Variants in LDLRAD4 observed in about 807,000 individuals in gnomAD.
LDLRAD4 encodes the protein low density lipoprotein receptor class A domain containing 4.
Under a neutral mutation model 17.0 loss-of-function variants are expected in LDLRAD4, and 5 were observed. The ratio of observed to expected loss-of-function variants is 0.29; its 90% CI spans 0.15 to 0.62. The LOEUF (loss-of-function observed/expected upper bound fraction) is 0.62, where lower values mean the gene tolerates loss of function less well. Among genes scored for constraint, LDLRAD4 ranks in the 20% least tolerant of loss-of-function variants. The pLI is 0.84. For synonymous variants in LDLRAD4, 168 were observed against 171.8 expected (o/e 0.98, Z 0.17); for missense variants, 340 against 424.7 (o/e 0.80, Z 1.75).
At chr18:13,606,305 C>T (rs1175719392) in intron 3 of LDLRAD4, among the ~76,000 whole-genome samples, 3 of 152,182 alleles carry the variant, frequency 2.0e-5, no homozygotes. Context: ...AATGTGGACT[C>T]ATAAGTAATT....
rs150626444 is a variant in LDLRAD4, at chr18:13,440,626, G to T, written c.181+2242G>T. ...TCAGATTGATCTGGGTTCAAGGTTC[G>T]GCCTAGGGGAGTGACAGCTCCTTTC... is the stretch of plus-strand genomic sequence containing the variant. On this transcript the variant is annotated intron_variant, in intron 3 of 5. Transcript: ENST00000359446. The surrounding 1 kb of genome is among the most constrained non-coding windows in gnomAD (Gnocchi z 4.4). Among the ~76,000 whole-genome samples the T allele has an allele frequency of 1.3e-5, 2 of 152,152 alleles. No homozygotes were observed. The highest frequency in any genetic ancestry group is 4.8e-5 in the African/African-American group (2 of 41,424).
intron 1 of LDLRAD4, among the ~76,000 whole-genome samples, chr18:13,330,746 T>C (rs2081814823): frequency 6.6e-6 from 1 of 152,118 alleles, no homozygotes; most frequent in African/African-American, 2.4e-5. Flanking sequence ...AGCTCCAAGA[T>C]GGGGCTGGTC....
intron 1 of LDLRAD4, 107 bp downstream of exon 1, chr18:13,219,095 AAAG>A (rs2041303715): frequency 6.7e-6 from 1 of 149,700 alleles, no homozygotes; most frequent in Non-Finnish European, 1.5e-5. Flanking sequence ...TTTAATTGGA[AAAG>A]GAGAAGGTTT....
chr18:13,359,888 T>A (rs1307723248), intron 1 of LDLRAD4, among the ~76,000 whole-genome samples: 2 of 152,282 alleles, frequency 1.3e-5, no homozygotes, highest in Admixed American at 6.5e-5. Flanking sequence ...GACGCTGTTC[T>A]TGGCTTATGT....
intron 1 of LDLRAD4, among the ~76,000 whole-genome samples, chr18:13,263,346 G>A (rs1268684634): frequency 1.3e-5 from 2 of 152,114 alleles, no homozygotes; most frequent in Non-Finnish European, 2.9e-5. Context: ...GTGGCTCTGT[G>A]TGTGGAGACT....
At chr18:13,553,042 G>T (rs1391569863) in intron 3 of LDLRAD4, among the ~76,000 whole-genome samples, 5 of 152,292 alleles carry the variant, frequency 3.3e-5, no homozygotes, top group Non-Finnish European at 5.9e-5. Context: ...ATGATAAGAG[G>T]TTAGTATTTT....
At position 13,438,238 on chromosome 18, in the gene LDLRAD4, T is replaced by C; in HGVS notation, c.41-6T>C. On this transcript the variant is annotated splice_polypyrimidine_tract_variant and splice_region_variant and intron_variant, in intron 2 of 5. Transcript: ENST00000359446. ...CTGCTCCATGCTTTATATTGTACTT[T>C]TTCAGAGTGCAAATTCACCTGCACC... The C allele has an allele frequency of 6.2e-7, 1 of 1,614,008 alleles. No homozygotes were observed. Among genetic ancestry groups the C allele is most frequent in the Non-Finnish European group, 8.5e-7 (1 of 1,179,814 alleles).
At chr18:13,553,770 GTGC>G in intron 3 of LDLRAD4, among the ~76,000 whole-genome samples, 1 of 152,156 alleles carries the variant, frequency 6.6e-6, no homozygotes, top group East Asian at 1.9e-4. Flanking sequence ...ACCCTATGTT[GTGC>G]TGTGTGTTTT....
chr18:13,531,572 A>G (rs1222805198), intron 3 of LDLRAD4, among the ~76,000 whole-genome samples: 2 of 148,702 alleles, frequency 1.3e-5, no homozygotes, highest in Admixed American at 6.8e-5. Context: ...CTTAGGTGAC[A>G]GAGCAAGACT....
intron 3 of LDLRAD4, chr18:13,620,836 T>G: frequency 2.1e-6 from 1 of 476,728 alleles, no homozygotes; most frequent in Non-Finnish European, 3.8e-6. Flanking sequence ...AGCGGTGACA[T>G]TGGAGAAATA....
At chr18:13,337,740 T>TGAAAAAAAAAAAA (rs2082171951) in intron 1 of LDLRAD4, among the ~76,000 whole-genome samples, 1 of 135,748 alleles carries the variant, frequency 7.4e-6, no homozygotes, top group African/African-American at 3.0e-5. Flanking sequence ...TTACAAAAAG[T>TGAAAAAAAAAAAA]AAAAAAAAAA....
chr18:13,324,206 C>T lies in LDLRAD4; in HGVS notation c.-383+46018C>T, dbSNP rs1288763600. Among the ~76,000 whole-genome samples, 7 of 150,760 alleles carry T rather than the reference C, an allele frequency of 4.6e-5. No homozygotes were observed. In the East Asian group the frequency reaches 8.0e-4, roughly 17 times the overall value. Reference sequence around the variant, plus strand: ...AGGCTGAAGTGCAGTGGCACGATCTCGGCTCACTGCAAGCTCCGCCTCCCG... The same window carrying T: ...AGGCTGAAGTGCAGTGGCACGATCTTGGCTCACTGCAAGCTCCGCCTCCCG... On this transcript the variant is annotated intron_variant, in intron 1 of 5. Coordinates refer to ENST00000359446, the Ensembl canonical transcript of LDLRAD4.
At chr18:13,277,486 T>C (rs1337193769), upstream of LDLRAD4, among the ~76,000 whole-genome samples, 1 of 152,186 alleles carries the variant, frequency 6.6e-6, no homozygotes, top group African/African-American at 2.4e-5. Context: ...TTGTATGGAA[T>C]GGACAAAATC....
At chr18:13,387,713 G>C in exon 2 of LDLRAD4, 2 of 1,613,656 alleles carry the variant, frequency 1.2e-6, no homozygotes, top group Non-Finnish European at 1.7e-6. Flanking sequence ...AGGCTTGTCC[G>C]GGGAGCAGTA....
intron 4 of LDLRAD4, among the ~76,000 whole-genome samples, chr18:13,633,122 T>C (rs1024990795): frequency 2.0e-5 from 3 of 152,220 alleles, no homozygotes; most frequent in Admixed American, 2.0e-4. Context: ...AATAAGTGTC[T>C]AGCCGTCAGT....
intron 1 of LDLRAD4, among the ~76,000 whole-genome samples, chr18:13,308,501 G>C (rs2047043840): frequency 6.6e-6 from 1 of 152,214 alleles, no homozygotes; most frequent in African/African-American, 2.4e-5. Context: ...GCCCTTCCTG[G>C]GGCCTGTGCT....
At chr18:13,366,700 A>G (rs1276378268) in intron 1 of LDLRAD4, among the ~76,000 whole-genome samples, 2 of 152,138 alleles carry the variant, frequency 1.3e-5, no homozygotes, top group African/African-American at 4.8e-5. Flanking sequence ...CTGTGAAGTC[A>G]TTCGGGGGTG....
At chr18:13,548,753 G>A (rs1042021645) in intron 3 of LDLRAD4, among the ~76,000 whole-genome samples, 5 of 152,192 alleles carry the variant, frequency 3.3e-5, no homozygotes, top group Non-Finnish European at 7.3e-5. Context: ...CCACCAACTT[G>A]GAAAGGGTTA....
rs552507344 is a variant in LDLRAD4, at chr18:13,646,292, G to A, written c.*635G>A. 7.9e-5 allele frequency: 12 copies of A among 152,764 alleles called. No homozygotes were observed. The East Asian group carries it at 2.3e-3, about 29-fold the overall frequency. The allele number at this position is 152,764 out of a possible 1,614,324, so 9.5% of individuals were successfully genotyped here. On this transcript the variant is annotated 3_prime_UTR_variant, in exon 6 of 6. Transcript: ENST00000359446. ...AGGGAACTGTTTTACGTGAAGTTCT[G>A]TATGTTGTCTTTTCACCTGTGGATT... is the stretch of plus-strand genomic sequence containing the variant.
Sources: gnomAD v4.1 joint callset for allele counts (sites outside exome capture counted in the v4.1 genomes callset) on GRCh38, gnomAD v4.1.1 for gene constraint, Gnocchi (gnomAD v3.1) non-coding constraint, MANE v1.5 for transcripts, NCBI Gene and HGNC (gene_info 2026-07-23, HGNC 2026-07-21) for gene names.